Variants in SLC23A2 observed in about 807,000 individuals in gnomAD.
SLC23A2 encodes solute carrier family 23 member 2, also known as Na(+)/L-ascorbic acid transporter 2.
A neutral mutation model predicts 73.3 loss-of-function variants in SLC23A2; 36 were observed. That is an observed-to-expected ratio of 0.49 (90% CI 0.38 to 0.65). SLC23A2 has a LOEUF of 0.65. SLC23A2 is among the 30% of genes least tolerant of loss of function. The pLI, the probability that SLC23A2 is intolerant of heterozygous loss-of-function variation, is 0.00. For missense variants in SLC23A2, 507 were observed against 841.6 expected, an observed-to-expected ratio of 0.60 and a Z score of 4.92; for synonymous variants, 343 against 327.3, an observed-to-expected ratio of 1.05 and a Z score of -0.52.
At position 4,961,109 on chromosome 20, in the gene SLC23A2, C is replaced by T. The variant is rs370987947; in HGVS notation, c.-155+9684G>A. ...CACATCCTTTTTTTTTTTTCTTTTTCTTTTTTTTTTTTTTTTGAGACGGAG... is the reference window on the plus strand; with the variant it reads ...CACATCCTTTTTTTTTTTTCTTTTTTTTTTTTTTTTTTTTTTGAGACGGAG... On this transcript the variant is annotated intron_variant, in intron 2 of 16. Coordinates refer to ENST00000338244, the MANE Select transcript of SLC23A2 (RefSeq NM_005116.6). 7.3e-4 allele frequency among the ~76,000 whole-genome samples: 95 copies of T among 130,930 alleles called. No homozygotes were observed. The Middle Eastern group carries it at 0.019, about 27-fold the overall frequency. The allele number at this position is 130,930 out of a possible 152,430, so 85.9% of individuals were successfully genotyped here. A position where few individuals can be genotyped will look rare whatever the true frequency, so the allele number is the denominator to read the frequency against.
chr20:4,946,220 C>A, intron 2 of SLC23A2, among the ~76,000 whole-genome samples: 1 of 152,298 alleles, frequency 6.6e-6, no homozygotes, highest in East Asian at 1.9e-4. Flanking sequence ...AGTTCCATCT[C>A]AGAAACCAGT....
intron 3 of SLC23A2, among the ~76,000 whole-genome samples, chr20:4,922,051 T>G (rs772498250): frequency 6.6e-6 from 1 of 152,186 alleles, no homozygotes; most frequent in Non-Finnish European, 1.5e-5. Context: ...AAGAATGAAC[T>G]TTTTCTCCAA....
At chr20:4,900,517 G>C (rs940653995) in intron 5 of SLC23A2, among the ~76,000 whole-genome samples, 4 of 152,172 alleles carry the variant, frequency 2.6e-5, no homozygotes, top group African/African-American at 9.7e-5. Flanking sequence ...ACATTTCTAG[G>C]TTAATTAGTC....
chr20:4,932,845 A>T (rs1364627941), intron 2 of SLC23A2, 129 bp from the exon 3 acceptor site: 1 of 271,498 alleles, frequency 3.7e-6, no homozygotes, highest in Non-Finnish European at 6.9e-6. Context: ...AAAATACTTT[A>T]CCTAATTACA....
At chr20:4,961,545 G>A (rs886936164) in intron 2 of SLC23A2, among the ~76,000 whole-genome samples, 8 of 152,070 alleles carry the variant, frequency 5.3e-5, no homozygotes, top group African/African-American at 9.7e-5. Context: ...GATTTTTTGC[G>A]ATTTTTTTAA....
intron 4 of SLC23A2, among the ~76,000 whole-genome samples, chr20:4,908,045 G>C (rs2122885212): frequency 6.6e-6 from 1 of 152,150 alleles, no homozygotes; most frequent in Non-Finnish European, 1.5e-5. Context: ...TCCGTGCTAA[G>C]AGGAAAAAAA....
At chr20:4,952,295 G>A (rs1210332837) in intron 2 of SLC23A2, among the ~76,000 whole-genome samples, 1 of 152,098 alleles carries the variant, frequency 6.6e-6, no homozygotes, top group Non-Finnish European at 1.5e-5. Context: ...CAGGATGAAA[G>A]AATCGTAGAC....
intron 13 of SLC23A2, among the ~76,000 whole-genome samples, chr20:4,867,188 C>T (rs1163120445): frequency 6.6e-6 from 1 of 152,166 alleles, no homozygotes; most frequent in African/African-American, 2.4e-5. Context: ...CCGGCAGACC[C>T]CACCTGCTCT....
chr20:4,901,394 G>T (rs1931739855), intron 5 of SLC23A2, among the ~76,000 whole-genome samples: 1 of 152,186 alleles, frequency 6.6e-6, no homozygotes, highest in South Asian at 2.1e-4. Flanking sequence ...CTTGAGAAGG[G>T]AAAAATGCTA....
In SLC23A2 at chr20:4,856,741, G is replaced by C. The variant is rs1365453457; in HGVS notation, c.*231C>G. On this transcript the variant is annotated 3_prime_UTR_variant, in exon 17 of 17. Coordinates refer to ENST00000338244, the MANE Select transcript of SLC23A2 (RefSeq NM_005116.6). This position sits in a 1 kb window ranked among gnomAD's most constrained non-coding sequence, Gnocchi z 4.6. ...ACTTCAAATTTAGTGACCATGGCCAGCAATGGACACTCTCAAAGGGCAAGG... is the reference window on the plus strand; with the variant it reads ...ACTTCAAATTTAGTGACCATGGCCACCAATGGACACTCTCAAAGGGCAAGG... The C allele has an allele frequency of 4.0e-6, 2 of 496,776 alleles. No individual in the cohort carries two copies. The highest frequency in any genetic ancestry group is 3.6e-6 in the Non-Finnish European group (1 of 278,754). The allele number at this position is 496,776 out of a possible 1,614,324, so 30.8% of individuals were successfully genotyped here. A position where few individuals can be genotyped will look rare whatever the true frequency, so the allele number is the denominator to read the frequency against.
intron 2 of SLC23A2, among the ~76,000 whole-genome samples, chr20:4,954,713 AAAAGAAAG>A (rs753186219): frequency 6.7e-6 from 1 of 150,230 alleles, no homozygotes; most frequent in East Asian, 1.9e-4. Flanking sequence ...AAAAAAAAAA[AAAAGAAAG>A]AAAGAAAGAA....
intron 13 of SLC23A2, among the ~76,000 whole-genome samples, chr20:4,866,790 C>A (rs1029761882): frequency 6.6e-6 from 1 of 152,138 alleles, no homozygotes; most frequent in Non-Finnish European, 1.5e-5. Flanking sequence ...CTTTTGAAAT[C>A]CACTCCTCCC....
In SLC23A2 at chr20:4,968,165, G is replaced by A. The variant is rs372658848; in HGVS notation, c.-155+2628C>T. ...ACACATACAACCATAGAGCTGGGCA[G>A]GAGAGCTCAAGGACACTGGAACTCC... On this transcript the variant is annotated intron_variant, in intron 2 of 16. Transcript: ENST00000338244. Among the ~76,000 whole-genome samples the A allele has an allele frequency of 1.3e-4, 20 of 152,310 alleles. No individual in the cohort carries two copies. In the East Asian group the frequency reaches 3.9e-3, roughly 29 times the overall value.
intron 2 of SLC23A2, among the ~76,000 whole-genome samples, chr20:4,945,813 G>C (rs749560116): frequency 3.9e-5 from 6 of 152,194 alleles, no homozygotes. Context: ...ACACTGACAT[G>C]AAAGGCATGT....
At chr20:4,972,581 T>G (rs1208008876) in intron 1 of SLC23A2, among the ~76,000 whole-genome samples, 2 of 151,932 alleles carry the variant, frequency 1.3e-5, no homozygotes, top group African/African-American at 2.4e-5. Flanking sequence ...TTGGGGTTTT[T>G]TTGTTGTTGT....
chr20:4,930,752 G>A (rs1932779859), intron 3 of SLC23A2, among the ~76,000 whole-genome samples: 1 of 152,128 alleles, frequency 6.6e-6, no homozygotes, highest in Non-Finnish European at 1.5e-5. Flanking sequence ...TTGGGAGGCA[G>A]AGGTTGCAGT....
intron 1 of SLC23A2, among the ~76,000 whole-genome samples, chr20:4,984,475 C>G (rs1183927832): frequency 6.6e-6 from 1 of 151,360 alleles, no homozygotes; most frequent in Non-Finnish European, 1.5e-5. Context: ...ATGGCATGAA[C>G]CTGGCAGGCG....
intron 2 of SLC23A2, among the ~76,000 whole-genome samples, chr20:4,933,653 G>A (rs1932813710): frequency 6.6e-6 from 1 of 151,782 alleles, no homozygotes; most frequent in Non-Finnish European, 1.5e-5. Context: ...AAAAATGAGA[G>A]GGCACAGAGG....
chr20:4,898,182 C>A (rs914427570), intron 6 of SLC23A2, among the ~76,000 whole-genome samples: 6 of 152,212 alleles, frequency 3.9e-5, no homozygotes, highest in Non-Finnish European at 7.3e-5. Context: ...TTTGAGGAGA[C>A]CCTCCTCCCT....
Sources: gnomAD v4.1 joint callset for allele counts (sites outside exome capture counted in the v4.1 genomes callset) on GRCh38, gnomAD v4.1.1 for gene constraint, Gnocchi (gnomAD v3.1) non-coding constraint, MANE v1.5 for transcripts, NCBI Gene and HGNC (gene_info 2026-07-23, HGNC 2026-07-21) for gene names.